The following CNBD1 variants were observed in gnomAD, a reference collection of about 807,000 sequenced individuals.
CNBD1 encodes the protein cyclic nucleotide-binding domain-containing protein 1.
A neutral mutation model predicts 54.4 loss-of-function variants in CNBD1; 71 were observed. The observed-to-expected ratio is 1.30, with a 90% confidence interval of 1.08 to 1.59. The LOEUF (loss-of-function observed/expected upper bound fraction) is 1.59, where lower values mean the gene tolerates loss of function less well. Ranked by LOEUF, CNBD1 falls within the 40% of genes most tolerant of loss-of-function variation. The pLI is 0.00. For synonymous variants in CNBD1, 182 were observed against 170.7 expected, an observed-to-expected ratio of 1.07 and a Z score of -0.51; for missense variants, 659 against 518.0, an observed-to-expected ratio of 1.27 and a Z score of -2.64.
intron 4 of CNBD1, among the ~76,000 whole-genome samples, chr8:87,056,933 T>C (rs1344223735): frequency 6.6e-6 from 1 of 152,226 alleles, no homozygotes; most frequent in Non-Finnish European, 1.5e-5. Flanking sequence ...TGATCTGTCC[T>C]TTGTGTTACA....
chr8:87,296,689 T>A (rs1808883064), intron 8 of CNBD1, among the ~76,000 whole-genome samples: 1 of 151,894 alleles, frequency 6.6e-6, no homozygotes. Flanking sequence ...CAATGACCAC[T>A]GAATTCATTT....
intron 6 of CNBD1, among the ~76,000 whole-genome samples, chr8:87,284,185 G>A (rs1808649117): frequency 6.6e-6 from 1 of 151,868 alleles, no homozygotes; most frequent in Admixed American, 6.6e-5. Flanking sequence ...CTCATGACAT[G>A]TATTCTAGTA....
intron 8 of CNBD1, among the ~76,000 whole-genome samples, chr8:87,317,139 C>A (rs1167515696): frequency 1.3e-5 from 2 of 151,788 alleles, no homozygotes; most frequent in East Asian, 3.9e-4. Context: ...TATTTATCTT[C>A]TCAAAGAAAT....
chr8:87,277,088 A>G (rs953231183), intron 6 of CNBD1, among the ~76,000 whole-genome samples: 22 of 151,456 alleles, frequency 1.5e-4, no homozygotes, highest in Admixed American at 6.0e-4. Flanking sequence ...ATATATATAC[A>G]CATATTCATA....
chr8:87,322,190 A>C (rs1453340266), intron 8 of CNBD1, among the ~76,000 whole-genome samples: 2 of 121,764 alleles, frequency 1.6e-5, no homozygotes, highest in African/African-American at 6.2e-5. Context: ...CATTTTCTTA[A>C]TCCAGTCTAT....
intron 6 of CNBD1, among the ~76,000 whole-genome samples, chr8:87,277,343 T>G (rs1217316282): frequency 6.6e-6 from 1 of 151,728 alleles, no homozygotes; most frequent in African/African-American, 2.4e-5. Flanking sequence ...ACCCACAGTA[T>G]GGAGGGCAAT....
In CNBD1 at chr8:87,087,712, C is replaced by G. The variant is rs538701465; in HGVS notation, c.432-118281C>G. On this transcript the variant is annotated intron_variant, in intron 4 of 10. Transcript: ENST00000518476. ...CGATCCCCTGACCTCGTGATCCGCCCGCCTCGGCCTCCCAAAGTGCTGGGA... is the reference window on the plus strand; with the variant it reads ...CGATCCCCTGACCTCGTGATCCGCCGGCCTCGGCCTCCCAAAGTGCTGGGA... Among the ~76,000 whole-genome samples, 17 of 152,146 alleles carry G rather than the reference C, an allele frequency of 1.1e-4. No homozygotes were observed. In the East Asian group the frequency reaches 3.3e-3, roughly 29 times the overall value.
intron 4 of CNBD1, among the ~76,000 whole-genome samples, chr8:87,171,521 C>A (rs1471025057): frequency 1.3e-5 from 2 of 151,016 alleles, no homozygotes; most frequent in East Asian, 3.9e-4. Flanking sequence ...TATCTCTGCT[C>A]CAATTTTTAT....
chr8:87,385,207 G>A (rs2130963334), downstream of CNBD1, among the ~76,000 whole-genome samples: 1 of 152,238 alleles, frequency 6.6e-6, no homozygotes, highest in Non-Finnish European at 1.5e-5. Flanking sequence ...GCAGAAGATG[G>A]GTGATTTCTG....
chr8:87,361,802 G>C (rs187565717), intron 10 of CNBD1, among the ~76,000 whole-genome samples: 38 of 150,672 alleles, frequency 2.5e-4, no homozygotes, highest in South Asian at 6.3e-4. Context: ...TAGATGGGGG[G>C]GTAGAATTTG....
At chr8:86,999,541 A>T (rs978871634) in intron 4 of CNBD1, among the ~76,000 whole-genome samples, 10 of 123,816 alleles carry the variant, frequency 8.1e-5, no homozygotes, top group East Asian at 6.4e-4. Context: ...TGTGGTATTT[A>T]AAAAAAAAAA....
At chr8:87,340,286 TC>T (rs1184411828) in intron 8 of CNBD1, among the ~76,000 whole-genome samples, 1 of 152,218 alleles carries the variant, frequency 6.6e-6, no homozygotes, top group Non-Finnish European at 1.5e-5. Context: ...TTCATATTTT[TC>T]TTGCTGCTTT....
intron 4 of CNBD1, among the ~76,000 whole-genome samples, chr8:87,043,752 T>TC (rs1810122922): frequency 6.6e-6 from 1 of 152,192 alleles, no homozygotes; most frequent in Non-Finnish European, 1.5e-5. Flanking sequence ...TCTCTGCCAG[T>TC]CCCCGGTTAA....
chr8:87,408,809 G>A (rs1287076541), intron 2 of CNBD1, among the ~76,000 whole-genome samples: 1 of 152,042 alleles, frequency 6.6e-6, no homozygotes, highest in Non-Finnish European at 1.5e-5. Context: ...TCTGGGATTA[G>A]TGATCTTTGA....
rs115492320 is a variant in CNBD1, at chr8:87,276,737, C to T, written c.772-7941C>T. ...AACCAAGATTAGAGTGGCTATAATTCAAGAAAGAAGGGAAATACATTATTT... is the reference window on the plus strand; with the variant it reads ...AACCAAGATTAGAGTGGCTATAATTTAAGAAAGAAGGGAAATACATTATTT... On this transcript the variant is annotated intron_variant, in intron 6 of 10. Transcript: ENST00000518476. Among the ~76,000 whole-genome samples the T allele has an allele frequency of 5.2e-3, 784 of 151,876 alleles. 5 individuals are homozygous for T. Among genetic ancestry groups the T allele is most frequent in the African/African-American group, 0.018 (731 of 41,476 alleles).
chr8:87,372,136 C>A (rs200457737), intron 10 of CNBD1, among the ~76,000 whole-genome samples: 2 of 151,924 alleles, frequency 1.3e-5, no homozygotes, highest in East Asian at 1.9e-4. Context: ...CAACTTCAGC[C>A]AAGTCTCAGG....
At chr8:86,946,650 TGA>T (rs1251250493) in intron 4 of CNBD1, among the ~76,000 whole-genome samples, 2 of 152,108 alleles carry the variant, frequency 1.3e-5, no homozygotes, top group Non-Finnish European at 2.9e-5. Context: ...TGTCATGCAG[TGA>T]GACTTGAGAA....
chr8:87,253,565 C>T (rs748995831), intron 6 of CNBD1, among the ~76,000 whole-genome samples: 6 of 152,112 alleles, frequency 3.9e-5, no homozygotes, highest in East Asian at 1.9e-4. Context: ...TTTCTTCATT[C>T]GTTCTCATAG....
Position 87,188,131 on chromosome 8 carries a change from C to A in CNBD1, c.432-17862C>A, listed in dbSNP as rs113102128. 3.0e-4 allele frequency among the ~76,000 whole-genome samples: 45 copies of A among 152,242 alleles called. 1 individual carries two copies. Among genetic ancestry groups the A allele is most frequent in the African/African-American group, 9.4e-4 (39 of 41,552 alleles). ...TTTTATTCCTGAAACACTGATATAT[C>A]CTCTCTTTCCCCACTGCCAACTTAT... On this transcript the variant is annotated intron_variant, in intron 4 of 10. Transcript: ENST00000518476.
Sources: gnomAD v4.1 joint callset for allele counts (sites outside exome capture counted in the v4.1 genomes callset) on GRCh38, gnomAD v4.1.1 for gene constraint, MANE v1.5 for transcripts, NCBI Gene and HGNC (gene_info 2026-07-23, HGNC 2026-07-21) for gene names.